The following ACSM5 variants were observed in gnomAD, a reference collection of about 807,000 sequenced individuals.
ACSM5 encodes acyl-coenzyme A synthetase ACSM5, mitochondrial.
In ACSM5, 56 loss-of-function variants were observed where a neutral mutation model predicts 71.6. That is an observed-to-expected ratio of 0.78 (90% CI 0.63 to 0.98). The LOEUF (loss-of-function observed/expected upper bound fraction) is 0.98, where lower values mean the gene tolerates loss of function less well. Ranked by LOEUF, ACSM5 falls within the 50% of genes least tolerant of loss-of-function variation. ACSM5 has a pLI of 0.00. For synonymous variants in ACSM5, 285 were observed against 281.5 expected (o/e 1.01, Z -0.12); for missense variants, 723 against 726.0 (o/e 1.00, Z 0.05).
At chr16:20,427,716 G>C in intron 6 of ACSM5, 72 bp from the exon 7 acceptor site, 2 of 987,724 alleles carry the variant, frequency 2.0e-6, no homozygotes, top group Non-Finnish European at 3.3e-6. Context: ...CTATAAAGAT[G>C]CATTTGGCTC....
chr16:20,421,650 TATATATAC>T (rs1253173268), intron 5 of ACSM5, among the ~76,000 whole-genome samples: 35 of 96,604 alleles, frequency 3.6e-4, no homozygotes, highest in East Asian at 1.0e-3. Context: ...TATATATATA[TATATATAC>T]ACACACACAT....
At chr16:20,423,568 A>G (rs1270731454) in intron 5 of ACSM5, among the ~76,000 whole-genome samples, 3 of 152,228 alleles carry the variant, frequency 2.0e-5, no homozygotes, top group Non-Finnish European at 4.4e-5. Context: ...CTAATCGTTC[A>G]TTTCTAGATC....
intron 2 of ACSM5, among the ~76,000 whole-genome samples, chr16:20,413,649 T>G (rs1455453169): frequency 2.6e-5 from 4 of 152,206 alleles, no homozygotes; most frequent in African/African-American, 9.7e-5. Context: ...TTCTATTGTA[T>G]TCCTGGAAAT....
At chr16:20,421,028 T>C (rs1203171982) in intron 4 of ACSM5, 1 of 358,174 alleles carries the variant, frequency 2.8e-6, no homozygotes, top group African/African-American at 2.1e-5. Context: ...TGGACTCTTT[T>C]GCGTGAATTA....
intron 6 of ACSM5, among the ~76,000 whole-genome samples, chr16:20,424,771 A>C (rs1966944815): frequency 1.3e-5 from 2 of 152,352 alleles, no homozygotes; most frequent in Admixed American, 1.3e-4. Context: ...AGAAAGGGAT[A>C]CATTTCTCTA....
Position 20,418,115 on chromosome 16 carries a change from G to A in ACSM5, c.261G>A (p.Glu87=). ...AFWWVNGTGA[E]IKWSFEELGK... The stretch of plus-strand genomic sequence containing the variant: ...GGTGGGTCAATGGCACAGGAGCAGA[G>A]ATCAAGTGGAGCTTTGAGGAGCTGG... Residue 87 remains glutamate, a synonymous_variant, in exon 3 of 14, where the codon GAG becomes GAA. Coordinates refer to ENST00000331849, the MANE Select transcript of ACSM5 (RefSeq NM_017888.3). 2 of 1,613,870 alleles carry A rather than the reference G, an allele frequency of 1.2e-6. No homozygotes were observed. Among genetic ancestry groups the A allele is most frequent in the Non-Finnish European group, 1.7e-6 (2 of 1,179,968 alleles).
chr16:20,424,809 C>G (rs1399634556), intron 6 of ACSM5, among the ~76,000 whole-genome samples: 2 of 152,150 alleles, frequency 1.3e-5, no homozygotes, highest in East Asian at 1.9e-4. Context: ...TGAAATGATA[C>G]AAGGCAAAGG....
At chr16:20,432,385 A>G (rs1372546936) in intron 10 of ACSM5, among the ~76,000 whole-genome samples, 1 of 152,220 alleles carries the variant, frequency 6.6e-6, no homozygotes, top group African/African-American at 2.4e-5. Flanking sequence ...TAGAAGGAGC[A>G]GAAATAAATC....
rs190982127 is a variant in ACSM5 at position 20,425,408 on chromosome 16, A to T, written c.921+1339A>T. On this transcript the variant is annotated intron_variant, in intron 6 of 13. Coordinates refer to ENST00000331849, the MANE Select transcript of ACSM5 (RefSeq NM_017888.3). The stretch of plus-strand genomic sequence containing the variant: ...GTTGATGGACACTTAGGTTGCTTCA[A>T]AACATAGTAGATTCTTTTTTTAAAA... Among the ~76,000 whole-genome samples the T allele has an allele frequency of 3.0e-4, 45 of 152,320 alleles. 2 individuals are homozygous for T. In the South Asian group the frequency reaches 6.8e-3, roughly 23 times the overall value.
rs780403252 is a variant in ACSM5 at position 20,429,702 on chromosome 16, C to T, written c.1026C>T (p.His342=). 5.0e-6 allele frequency: 8 copies of T among 1,613,832 alleles called. No individual in the cohort carries two copies. The highest frequency in any genetic ancestry group is 1.1e-5 in the South Asian group (1 of 91,050). ...LTRYQFQSLR[H]CLTGGEALNP... is the part of the protein sequence containing the mutation. ...GGTACCAGTTTCAGAGCCTGAGGCA[C>T]TGTCTGACCGGAGGAGAGGCCCTCA... Residue 342 remains histidine, a synonymous_variant, in exon 8 of 14, where the codon CAC becomes CAT. Coordinates refer to ENST00000331849, the MANE Select transcript of ACSM5 (RefSeq NM_017888.3).
chr16:20,424,811 A>T (rs1455130633), intron 6 of ACSM5, among the ~76,000 whole-genome samples: 1 of 152,224 alleles, frequency 6.6e-6, no homozygotes, highest in Non-Finnish European at 1.5e-5. Flanking sequence ...AAATGATACA[A>T]GGCAAAGGGG....
chr16:20,433,438 G>A (rs1343877713), intron 10 of ACSM5, among the ~76,000 whole-genome samples: 1 of 152,132 alleles, frequency 6.6e-6, no homozygotes, highest in African/African-American at 2.4e-5. Context: ...ATTATCAAAT[G>A]CACAAATATT....
chr16:20,426,671 GTA>G (rs1401267168), intron 6 of ACSM5, among the ~76,000 whole-genome samples: 3 of 152,202 alleles, frequency 2.0e-5, no homozygotes, highest in African/African-American at 4.8e-5. Flanking sequence ...GACAAATACT[GTA>G]TGATTCCACT....
intron 10 of ACSM5, among the ~76,000 whole-genome samples, chr16:20,432,336 A>G (rs1233904774): frequency 1.3e-5 from 2 of 152,208 alleles, no homozygotes; most frequent in Non-Finnish European, 2.9e-5. Context: ...TAGAAATGCC[A>G]TCTCATGTGT....
Position 20,431,091 on chromosome 16 carries a change from C to G in ACSM5, c.1206+18C>G. On this transcript the variant is annotated intron_variant, in intron 9 of 13. Coordinates refer to ENST00000331849, the MANE Select transcript of ACSM5 (RefSeq NM_017888.3). ...ATGTGCAGGTAGCAGCCTCCCCCAA[C>G]TTCTGGCAAGGCCTGGCATGGAGAG... is the stretch of plus-strand genomic sequence containing the variant. 6.2e-7 allele frequency: 1 copy of G among 1,610,444 alleles called. No individual in the cohort carries two copies. Among genetic ancestry groups the G allele is most frequent in the Non-Finnish European group, 8.5e-7 (1 of 1,178,066 alleles).
At position 20,419,395 on chromosome 16, in the gene ACSM5, A is replaced by T. The variant is rs771212949; in HGVS notation, c.583A>T (p.Ser195Cys). Residue 195 changes from serine to cysteine, a missense_variant, in exon 4 of 14, where the codon AGC becomes TGC. Coordinates refer to ENST00000331849, the MANE Select transcript of ACSM5 (RefSeq NM_017888.3). ...CCAGACCAAGCTGCTGGTGTCAGACAGCAGTCGGCCAGGCTGGTTGAACTT... is the reference window on the plus strand; with the variant it reads ...CCAGACCAAGCTGCTGGTGTCAGACTGCAGTCGGCCAGGCTGGTTGAACTT... The part of the protein sequence containing the change: ...SLQTKLLVSD[S>C]SRPGWLNFRE... 56 of 1,614,228 alleles carry T rather than the reference A, an allele frequency of 3.5e-5. No individual in the cohort carries two copies. In the East Asian group the frequency reaches 3.6e-4, roughly 10 times the overall value.
chr16:20,423,406 G>C (rs113800795), intron 5 of ACSM5, among the ~76,000 whole-genome samples: 6,769 of 152,250 alleles, frequency 0.044, 161 homozygotes, highest in South Asian at 0.061. Flanking sequence ...TCTAACTCAA[G>C]TGTCACTTCC....
Position 20,419,583 on chromosome 16 carries a change from C to G in ACSM5, c.623+148C>G. ...CAGCCAGGCTGACCTGAGCATAATCCTGGTCCCTACCTTAATGTTCAAGGT... is the reference window on the plus strand; with the variant it reads ...CAGCCAGGCTGACCTGAGCATAATCGTGGTCCCTACCTTAATGTTCAAGGT... On this transcript the variant is annotated intron_variant, in intron 4 of 13. Transcript: ENST00000331849. The G allele has an allele frequency of 1.5e-5, 11 of 724,396 alleles. 1 individual carries two copies. In the South Asian group the frequency reaches 2.0e-4, roughly 13 times the overall value. The allele number at this position is 724,396 out of a possible 1,614,324, so 44.9% of individuals were successfully genotyped here. A position where few individuals can be genotyped will look rare whatever the true frequency, so the allele number is the denominator to read the frequency against.
intron 10 of ACSM5, among the ~76,000 whole-genome samples, chr16:20,433,499 T>G (rs941563028): frequency 6.6e-6 from 1 of 152,186 alleles, no homozygotes; most frequent in African/African-American, 2.4e-5. Flanking sequence ...AGGGACTATC[T>G]AAATTTCTAA....
Sources: gnomAD v4.1 joint callset for allele counts (sites outside exome capture counted in the v4.1 genomes callset) on GRCh38, gnomAD v4.1.1 for gene constraint, MANE v1.5 for transcripts, NCBI Gene and HGNC (gene_info 2026-07-23, HGNC 2026-07-21) for gene names.